The following B3GALT1 variants were observed in gnomAD, a reference collection of about 807,000 sequenced individuals.
The protein encoded by B3GALT1 is beta-1,3-galactosyltransferase 1, also known as UDP-Gal:betaGlcNAc beta 1,3-galactosyltransferase, polypeptide 1.
In B3GALT1, 10 loss-of-function variants were observed where a neutral mutation model predicts 23.2. The ratio of observed to expected loss-of-function variants is 0.43; its 90% CI spans 0.27 to 0.73. B3GALT1 has a LOEUF of 0.73. Among genes scored for constraint, B3GALT1 ranks in the 30% least tolerant of loss-of-function variants. The probability of loss-of-function intolerance (pLI) is 0.21; values close to 1 mark genes in which losing one functional copy is unlikely to be tolerated. For missense variants in B3GALT1, 299 were observed against 405.4 expected, an observed-to-expected ratio of 0.74 and a Z score of 2.25; for synonymous variants, 156 against 141.5, an observed-to-expected ratio of 1.10 and a Z score of -0.73.
At chr2:167,293,619 G>T (rs1339844733) in intron 1 of B3GALT1, among the ~76,000 whole-genome samples, 1 of 152,178 alleles carries the variant, frequency 6.6e-6, no homozygotes, top group Non-Finnish European at 1.5e-5. Flanking sequence ...AGCGAGAACA[G>T]TGGGTCCCCT....
intron 3 of B3GALT1, among the ~76,000 whole-genome samples, chr2:167,696,331 AAAGCTATC>A (rs1202144531): frequency 6.7e-6 from 1 of 150,112 alleles, no homozygotes; most frequent in African/African-American, 2.4e-5. Context: ...CCTACCTGTC[AAAGCTATC>A]AAGAGGAATA....
At chr2:167,748,997 G>A (rs1341061124) in intron 3 of B3GALT1, among the ~76,000 whole-genome samples, 1 of 152,128 alleles carries the variant, frequency 6.6e-6, no homozygotes, top group Admixed American at 6.6e-5. Flanking sequence ...CCAGAATGTA[G>A]AGTCCAAAGA....
intron 1 of B3GALT1, among the ~76,000 whole-genome samples, chr2:167,300,938 C>T (rs1458780924): frequency 6.6e-6 from 1 of 152,176 alleles, no homozygotes; most frequent in Non-Finnish European, 1.5e-5. Context: ...TCAGTGTCTT[C>T]TTCTATTAGA....
chr2:167,353,082 A>G (rs2105257135), intron 1 of B3GALT1, among the ~76,000 whole-genome samples: 1 of 152,308 alleles, frequency 6.6e-6, no homozygotes, highest in Non-Finnish European at 1.5e-5. Context: ...TCATATATTG[A>G]CTGGTTTATT....
At chr2:167,441,855 C>A (rs1698898335) in intron 1 of B3GALT1, among the ~76,000 whole-genome samples, 2 of 151,146 alleles carry the variant, frequency 1.3e-5, no homozygotes, top group South Asian at 4.2e-4. Context: ...TAGCAAGATC[C>A]CATGTTTTTT....
intron 1 of B3GALT1, among the ~76,000 whole-genome samples, chr2:167,370,795 G>C (rs530974252): frequency 6.6e-6 from 1 of 151,848 alleles, no homozygotes; most frequent in African/African-American, 2.4e-5. Flanking sequence ...GCATGGTGGC[G>C]GGTGCCTGTA....
chr2:167,510,407 G>GTTTT (rs35191590), intron 2 of B3GALT1, among the ~76,000 whole-genome samples: 1 of 111,086 alleles, frequency 9.0e-6, no homozygotes, highest in Non-Finnish European at 2.0e-5. Context: ...TGCAAGTTTT[G>GTTTT]TTTTTTTTTT....
intron 1 of B3GALT1, among the ~76,000 whole-genome samples, chr2:167,403,382 A>G (rs1698225191): frequency 6.6e-6 from 1 of 151,668 alleles, no homozygotes; most frequent in Non-Finnish European, 1.5e-5. Context: ...TTAGTATCCC[A>G]TGGTGTGTAT....
At chr2:167,386,744 C>T (rs1400801185) in intron 1 of B3GALT1, among the ~76,000 whole-genome samples, 1 of 152,156 alleles carries the variant, frequency 6.6e-6, no homozygotes, top group Non-Finnish European at 1.5e-5. Context: ...AAAATAGGAA[C>T]TTACATCTTA....
intron 4 of B3GALT1, chr2:167,862,774 A>T (rs917400829): frequency 1.3e-5 from 2 of 152,220 alleles, no homozygotes; most frequent in Non-Finnish European, 2.9e-5. Context: ...AATTATTCAG[A>T]ATAACAGACA....
chr2:167,721,044 ATCTC>A (rs774312004), intron 3 of B3GALT1, among the ~76,000 whole-genome samples: 7 of 150,668 alleles, frequency 4.6e-5, no homozygotes, highest in African/African-American at 1.7e-4. Flanking sequence ...TCTCTCCCCC[ATCTC>A]TCTCTGTATA....
At chr2:167,801,911 C>T (rs1478364000) in intron 3 of B3GALT1, among the ~76,000 whole-genome samples, 2 of 152,232 alleles carry the variant, frequency 1.3e-5, no homozygotes, top group Non-Finnish European at 2.9e-5. Context: ...GCATCCCTAA[C>T]ACCAAATACC....
intron 1 of B3GALT1, among the ~76,000 whole-genome samples, chr2:167,344,159 A>G (rs1025671381): frequency 2.6e-5 from 4 of 152,168 alleles, no homozygotes; most frequent in African/African-American, 2.4e-5. Context: ...AGTAGTGTGA[A>G]CCATGGCCAT....
chr2:167,508,967 G>T (rs1011109486), intron 2 of B3GALT1, among the ~76,000 whole-genome samples: 1 of 152,180 alleles, frequency 6.6e-6, no homozygotes, highest in Non-Finnish European at 1.5e-5. Context: ...GGTTAAGGGA[G>T]AAAACAGATT....
intron 3 of B3GALT1, among the ~76,000 whole-genome samples, chr2:167,806,422 T>C (rs1688754991): frequency 6.6e-6 from 1 of 152,242 alleles, no homozygotes; most frequent in African/African-American, 2.4e-5. Context: ...TCAAAGGGAA[T>C]GCTTCCAGTT....
chr2:167,503,032 T>C (rs1699869181), intron 2 of B3GALT1, among the ~76,000 whole-genome samples: 1 of 152,026 alleles, frequency 6.6e-6, no homozygotes, highest in African/African-American at 2.4e-5. Context: ...AGAGCAAAAC[T>C]CTGTCTCAAA....
intron 3 of B3GALT1, among the ~76,000 whole-genome samples, chr2:167,702,841 C>T (rs1205400680): frequency 1.3e-5 from 2 of 152,150 alleles, no homozygotes; most frequent in African/African-American, 4.8e-5. Context: ...ACAAGAAAAG[C>T]TACAAAAGAA....
At chr2:167,515,877 G>T (rs1280597259) in intron 2 of B3GALT1, among the ~76,000 whole-genome samples, 1 of 151,922 alleles carries the variant, frequency 6.6e-6, no homozygotes, top group Non-Finnish European at 1.5e-5. Context: ...GAATACTCCA[G>T]CCAAACAAAT....
At chr2:167,673,010 G>A (rs1450297907) in intron 3 of B3GALT1, among the ~76,000 whole-genome samples, 13 of 149,302 alleles carry the variant, frequency 8.7e-5, no homozygotes, top group Non-Finnish European at 1.6e-4. Context: ...GGTATCTGGG[G>A]GTATCTAATA....
Sources: gnomAD v4.1 joint callset for allele counts (sites outside exome capture counted in the v4.1 genomes callset) on GRCh38, gnomAD v4.1.1 for gene constraint, MANE v1.5 for transcripts, NCBI Gene and HGNC (gene_info 2026-07-23, HGNC 2026-07-21) for gene names.